Variants in XIRP2 observed in about 807,000 individuals in gnomAD.
XIRP2 encodes the protein xin actin binding repeat containing 2.
In XIRP2, 236 loss-of-function variants were observed where a neutral mutation model predicts 277.0. That is an observed-to-expected ratio of 0.85 (90% CI 0.77 to 0.95). The LOEUF is 0.95. XIRP2 is among the 40% of genes least tolerant of loss of function. The pLI, the probability that XIRP2 is intolerant of heterozygous loss-of-function variation, is 0.00. For missense variants in XIRP2, 4,640 were observed against 4,157.5 expected (o/e 1.12, Z -3.19); for synonymous variants, 1,490 against 1,416.5 (o/e 1.05, Z -1.17).
At chr2:166,894,070 T>C (rs1558906132) in intron 1 of XIRP2, among the ~76,000 whole-genome samples, 2 of 152,112 alleles carry the variant, frequency 1.3e-5, no homozygotes, top group Non-Finnish European at 2.9e-5. Context: ...ACAGGCAAAA[T>C]TGTGGTCATT....
At chr2:166,944,994 T>C (rs1003644925) in intron 2 of XIRP2, among the ~76,000 whole-genome samples, 5 of 152,128 alleles carry the variant, frequency 3.3e-5, no homozygotes, top group Admixed American at 1.3e-4. Flanking sequence ...AGGACTCTTT[T>C]GGTTTATCTT....
intron 3 of XIRP2, among the ~76,000 whole-genome samples, chr2:167,166,408 A>G (rs772994087): frequency 6.6e-6 from 1 of 152,174 alleles, no homozygotes; most frequent in Non-Finnish European, 1.5e-5. Context: ...GTTCCATGTG[A>G]ACCTGAAAAG....
intron 2 of XIRP2, among the ~76,000 whole-genome samples, chr2:166,917,497 A>G (rs1359322317): frequency 1.3e-5 from 2 of 152,164 alleles, no homozygotes; most frequent in Non-Finnish European, 2.9e-5. Flanking sequence ...TTTTAGTTAG[A>G]AAAAGAAATA....
rs146200880 is a variant in XIRP2 at position 166,933,930 on chromosome 2, G to T, written c.408+30040G>T. ...TTCCAGTGTTGTTTTGAAGATGTAA[G>T]CCCATTTGTTAAAAATGGAAGGACA... is the stretch of plus-strand genomic sequence containing the variant. On this transcript the variant is annotated intron_variant, in intron 2 of 10. Coordinates refer to ENST00000409195, the MANE Select transcript of XIRP2 (RefSeq NM_152381.6). Among the ~76,000 whole-genome samples the T allele has an allele frequency of 9.5e-4, 144 of 151,830 alleles. 2 individuals are homozygous for T. The East Asian group carries it at 0.022, about 24-fold the overall frequency.
chr2:167,131,235 T>C (rs1691366593), intron 2 of XIRP2, among the ~76,000 whole-genome samples: 1 of 152,204 alleles, frequency 6.6e-6, no homozygotes, highest in African/African-American at 2.4e-5. Flanking sequence ...TTTCTACCCA[T>C]GCTTTGGGTT....
At position 167,235,897 on chromosome 2, in the gene XIRP2, C is replaced by T. The variant is rs571538415; in HGVS notation, c.859-3958C>T. 4.6e-5 allele frequency among the ~76,000 whole-genome samples: 7 copies of T among 151,982 alleles called. No individual in the cohort carries two copies. The East Asian group carries it at 1.4e-3, about 29-fold the overall frequency. On this transcript the variant is annotated intron_variant, in intron 5 of 10. Transcript: ENST00000409195. ...TAATGTATCTAAATCCAGACAATCA[C>T]AATGGTCACCCACAAATTGCTATGC...
chr2:167,139,772 A>C (rs1468661584), intron 3 of XIRP2, among the ~76,000 whole-genome samples: 1 of 152,224 alleles, frequency 6.6e-6, no homozygotes, highest in Non-Finnish European at 1.5e-5. Flanking sequence ...TGATAATAGA[A>C]GTGTCCTATA....
chr2:167,219,927 AC>A (rs1694373471), intron 5 of XIRP2, among the ~76,000 whole-genome samples: 2 of 152,016 alleles, frequency 1.3e-5, no homozygotes, highest in African/African-American at 4.8e-5. Context: ...AAGACAGAAA[AC>A]CCCCCAAAAA....
chr2:166,937,716 A>T (rs1454538340), intron 2 of XIRP2, among the ~76,000 whole-genome samples: 1 of 152,130 alleles, frequency 6.6e-6, no homozygotes, highest in Non-Finnish European at 1.5e-5. Context: ...CTGTGAATCC[A>T]TCTGGTCCTG....
Position 166,939,700 on chromosome 2 carries a change from A to AC in XIRP2, c.408+35810_408+35811insC, listed in dbSNP as rs1394259921. ...ATCACAAAAAAAAAAAAAAAAAAAC[A>AC]AAAAACAAAAACAAAAAACAAAACA... On this transcript the variant is annotated intron_variant, in intron 2 of 10. Coordinates refer to ENST00000409195, the MANE Select transcript of XIRP2 (RefSeq NM_152381.6). Among the ~76,000 whole-genome samples, 96 of 146,714 alleles carry AC rather than the reference A, an allele frequency of 6.5e-4. 1 individual carries two copies. The highest frequency in any genetic ancestry group is 3.5e-3 in the Middle Eastern group (1 of 288).
Position 167,247,731 on chromosome 2 carries a change from C to G in XIRP2, c.6339C>G (p.Ser2113=), listed in dbSNP as rs535738335. The G allele has an allele frequency of 1.2e-6, 2 of 1,613,538 alleles. No homozygotes were observed. The highest frequency in any genetic ancestry group is 2.7e-5 in the African/African-American group (2 of 74,946). The part of the protein sequence containing the change: ...RELKKDDVFN[S]IQSAGKTVGK... ...TGAAGAAGGATGATGTCTTTAATTC[C>G]ATCCAATCTGCTGGTAAAACCGTTG... Residue 2113 remains serine (S), a synonymous_variant, in exon 9 of 11, where the codon TCC becomes TCG. Coordinates refer to ENST00000409195, the MANE Select transcript of XIRP2 (RefSeq NM_152381.6).
chr2:167,107,334 A>G (rs1230292703), intron 2 of XIRP2, among the ~76,000 whole-genome samples: 1 of 151,840 alleles, frequency 6.6e-6, no homozygotes, highest in Non-Finnish European at 1.5e-5. Flanking sequence ...AATGTTACCC[A>G]TAGGTTTTTC....
intron 3 of XIRP2, among the ~76,000 whole-genome samples, chr2:167,173,552 T>TC (rs1692756289): frequency 6.6e-6 from 1 of 152,198 alleles, no homozygotes; most frequent in South Asian, 2.1e-4. Flanking sequence ...TTAGGTTGCT[T>TC]CCAAATCTTG....
chr2:167,049,021 G>C (rs954138739), intron 2 of XIRP2, among the ~76,000 whole-genome samples: 1 of 151,710 alleles, frequency 6.6e-6, no homozygotes, highest in Non-Finnish European at 1.5e-5. Context: ...CCAGCTTCTT[G>C]GCTTCTCTCC....
At chr2:167,105,357 T>G (rs1465287448) in intron 2 of XIRP2, among the ~76,000 whole-genome samples, 1 of 152,122 alleles carries the variant, frequency 6.6e-6, no homozygotes, top group East Asian at 1.9e-4. Flanking sequence ...TGATCTGTTC[T>G]CCTTTTCCAT....
At chr2:166,940,592 C>T (rs1296682579) in intron 2 of XIRP2, among the ~76,000 whole-genome samples, 1 of 152,098 alleles carries the variant, frequency 6.6e-6, no homozygotes, top group Non-Finnish European at 1.5e-5. Context: ...TACCTTTGGT[C>T]TTTGATGGTG....
rs138296235 is a variant in XIRP2, at chr2:166,969,738, C to A, written c.408+65848C>A. On this transcript the variant is annotated intron_variant, in intron 2 of 10. Coordinates refer to ENST00000409195, the MANE Select transcript of XIRP2 (RefSeq NM_152381.6). ...ATAATCTCGTGTATGTTCATTATGC[C>A]CTTTCCTTTGGGAGGAAAAAAAAAA... Among the ~76,000 whole-genome samples the A allele has an allele frequency of 2.6e-5, 4 of 151,638 alleles. No individual in the cohort carries two copies. The East Asian group carries it at 7.8e-4, about 30-fold the overall frequency.
intron 2 of XIRP2, among the ~76,000 whole-genome samples, chr2:166,954,761 C>A (rs1490394852): frequency 6.6e-6 from 1 of 151,850 alleles, no homozygotes; most frequent in East Asian, 1.9e-4. Context: ...AAATCATGTC[C>A]TTTGCAGGGA....
intron 2 of XIRP2, among the ~76,000 whole-genome samples, chr2:167,119,258 A>G (rs1260183975): frequency 6.6e-6 from 1 of 152,218 alleles, no homozygotes; most frequent in Non-Finnish European, 1.5e-5. Context: ...TTAGATAAAC[A>G]TTGGCATCTT....
Sources: allele counts gnomAD v4.1 joint callset (sites outside exome capture counted in the v4.1 genomes callset), GRCh38; gene constraint gnomAD v4.1.1; transcripts MANE v1.5; gene names NCBI Gene and HGNC (gene_info 2026-07-23, HGNC 2026-07-21).